PDK1: variants seen among roughly 807,000 people sequenced by gnomAD.
PDK1 encodes the protein pyruvate dehydrogenase kinase 1, also known as [Pyruvate dehydrogenase (acetyl-transferring)] kinase isozyme 1, mitochondrial.
Under a neutral mutation model 54.2 loss-of-function variants are expected in PDK1, and 39 were observed. The observed-to-expected ratio is 0.72, with a 90% CI of 0.56 to 0.94. The LOEUF is 0.94. PDK1 is among the 40% of genes least tolerant of loss of function. The pLI is 0.00. For synonymous variants in PDK1, 221 were observed against 207.1 expected (o/e 1.07, Z -0.58); for missense variants, 552 against 566.0 (o/e 0.98, Z 0.25).
chr2:172,622,538 GAT>G, the PDK1 span, among the ~76,000 whole-genome samples: 6 of 143,144 alleles, frequency 4.2e-5, no homozygotes, highest in South Asian at 2.3e-4. Flanking sequence ...TATTATGTGA[GAT>G]ATGTTTATAT....
the PDK1 span, among the ~76,000 whole-genome samples, chr2:172,618,389 A>G: frequency 4.0e-4 from 61 of 152,382 alleles, no homozygotes; most frequent in African/African-American, 1.4e-3. Context: ...GCAAGGATAC[A>G]TTGGTCCAAT....
the PDK1 span, among the ~76,000 whole-genome samples, chr2:172,635,812 C>T: frequency 6.6e-6 from 1 of 152,180 alleles, no homozygotes; most frequent in Non-Finnish European, 1.5e-5. Flanking sequence ...TTTCCTCTTC[C>T]CCACATCATT....
the PDK1 span, among the ~76,000 whole-genome samples, chr2:172,648,653 T>C: frequency 1.3e-5 from 2 of 152,200 alleles, no homozygotes; most frequent in Non-Finnish European, 2.9e-5. Flanking sequence ...GCTTTTCCAA[T>C]GGCCTTAGCA....
At position 172,602,524 on chromosome 2, in the gene PDK1, C is replaced by G. The variant is rs1691149399; in HGVS notation, c.*6555C>G. The G allele has an allele frequency of 6.6e-6, 1 of 152,146 alleles. No homozygotes were observed. Among genetic ancestry groups the G allele is most frequent in the African/African-American group, 2.4e-5 (1 of 41,432 alleles). The allele number at this position is 152,146 out of a possible 1,614,324, so 9.4% of individuals were successfully genotyped here. A position where few individuals can be genotyped will look rare whatever the true frequency, so the allele number is the denominator to read the frequency against. ...TGTAAGACAGACATACTGGAATTGT[C>G]TATGAGGTTGGATCCATGGGCCTGC... is the stretch of plus-strand genomic sequence containing the variant. On this transcript the variant is annotated 3_prime_UTR_variant, in exon 11 of 11. Transcript: ENST00000282077.
chr2:172,667,878 T>C, the PDK1 span, among the ~76,000 whole-genome samples: 1 of 152,218 alleles, frequency 6.6e-6, no homozygotes, highest in Non-Finnish European at 1.5e-5. Flanking sequence ...ACAGCACAGT[T>C]AATCAGTGGC....
At chr2:172,707,890 G>A in the PDK1 span, among the ~76,000 whole-genome samples, 7 of 152,266 alleles carry the variant, frequency 4.6e-5, no homozygotes, top group East Asian at 7.7e-4. Context: ...ACAGAAAAAT[G>A]GAATTTACAA....
chr2:172,585,724 A>T (rs967165880), intron 8 of PDK1, among the ~76,000 whole-genome samples: 1 of 152,182 alleles, frequency 6.6e-6, no homozygotes, highest in African/African-American at 2.4e-5. Context: ...TGCACTGTTA[A>T]TGAGACTCCC....
the PDK1 span, among the ~76,000 whole-genome samples, chr2:172,695,205 A>C: frequency 7.2e-5 from 11 of 152,340 alleles, no homozygotes; most frequent in African/African-American, 2.2e-4. Context: ...CAACTAGCCT[A>C]TGATGAAATT....
the PDK1 span, among the ~76,000 whole-genome samples, chr2:172,637,973 G>A: frequency 6.6e-6 from 1 of 152,080 alleles, no homozygotes; most frequent in South Asian, 2.1e-4. Flanking sequence ...GGGATTACAG[G>A]TGTGAGCCAC....
intron 9 of PDK1, among the ~76,000 whole-genome samples, chr2:172,587,284 T>C (rs1157261544): frequency 6.6e-6 from 1 of 152,192 alleles, no homozygotes; most frequent in Non-Finnish European, 1.5e-5. Context: ...TCCCGGTGAG[T>C]TCCTGGTTTT....
chr2:172,609,447 G>C (rs1311220425), downstream of PDK1, among the ~76,000 whole-genome samples: 1 of 152,042 alleles, frequency 6.6e-6, no homozygotes, highest in East Asian at 1.9e-4. Context: ...ATGCTTTTTT[G>C]ATTAACTTTT....
At chr2:172,619,994 A>G in the PDK1 span, among the ~76,000 whole-genome samples, 1 of 152,114 alleles carries the variant, frequency 6.6e-6, no homozygotes, top group African/African-American at 2.4e-5. Flanking sequence ...GCAAAACCCC[A>G]TCTCTACTAA....
the PDK1 span, among the ~76,000 whole-genome samples, chr2:172,708,112 G>A: frequency 3.0e-4 from 46 of 152,064 alleles, 1 homozygote; most frequent in Middle Eastern, 0.01. Flanking sequence ...GACCAGCCTG[G>A]GAAACATGGT....
At chr2:172,686,600 C>T in the PDK1 span, among the ~76,000 whole-genome samples, 1 of 152,132 alleles carries the variant, frequency 6.6e-6, no homozygotes, top group Non-Finnish European at 1.5e-5. Context: ...CCTGCAGCAG[C>T]AACCTGCTTG....
intron 8 of PDK1, among the ~76,000 whole-genome samples, chr2:172,577,340 AAT>A (rs1689634624): frequency 1.3e-5 from 2 of 152,090 alleles, no homozygotes; most frequent in Admixed American, 1.3e-4. Flanking sequence ...TTCAGTCTAA[AAT>A]GTGTCTCTTT....
chr2:172,603,866 A>G lies in PDK1; in HGVS notation c.*7897A>G, dbSNP rs998741627. The G allele has an allele frequency of 6.6e-6, 1 of 152,156 alleles. No individual in the cohort carries two copies. The highest frequency in any genetic ancestry group is 2.1e-4 in the South Asian group (1 of 4,820). 9.4% of individuals were successfully genotyped at this position (152,156 alleles called of 1,614,324 possible). ...TCATTTCACATAATCTAATACATGA[A>G]TGTCCTGTATGGGTGACTGCTGAGG... On this transcript the variant is annotated 3_prime_UTR_variant, in exon 11 of 11. Coordinates refer to ENST00000282077, the MANE Select transcript of PDK1 (RefSeq NM_002610.5).
chr2:172,683,074 TGGG>T, the PDK1 span, among the ~76,000 whole-genome samples: 4 of 152,034 alleles, frequency 2.6e-5, no homozygotes, highest in African/African-American at 9.7e-5. Context: ...AGGCTGGGCA[TGGG>T]GGCTCACACC....
intron 3 of PDK1, chr2:172,564,075 CT>C: frequency 2.1e-6 from 1 of 472,266 alleles, no homozygotes; most frequent in Non-Finnish European, 4.4e-6. Context: ...AACAGGCAGG[CT>C]TTATTGGCTC....
chr2:172,691,868 C>T, the PDK1 span, among the ~76,000 whole-genome samples: 3 of 152,196 alleles, frequency 2.0e-5, no homozygotes, highest in Admixed American at 2.0e-4. Context: ...AACAAAGCTG[C>T]TATAAACATC....
Sources: gnomAD v4.1 joint callset for allele counts (sites outside exome capture counted in the v4.1 genomes callset) on GRCh38, gnomAD v4.1.1 for gene constraint, MANE v1.5 for transcripts, NCBI Gene and HGNC (gene_info 2026-07-23, HGNC 2026-07-21) for gene names.